Variants in DPYD observed in about 807,000 individuals in gnomAD.
The protein encoded by DPYD is dihydropyrimidine dehydrogenase.
A neutral mutation model predicts 116.2 loss-of-function variants in DPYD; 109 were observed. That is an observed-to-expected ratio of 0.94 (90% CI 0.80 to 1.10). The LOEUF (loss-of-function observed/expected upper bound fraction) is 1.10. Among genes scored for constraint, DPYD ranks in the 50% least tolerant of loss-of-function variants. DPYD has a pLI of 0.00. For missense variants in DPYD, 1,302 were observed against 1,254.5 expected, an observed-to-expected ratio of 1.04 and a Z score of -0.57; for synonymous variants, 440 against 432.0, an observed-to-expected ratio of 1.02 and a Z score of -0.23.
chr1:97,789,565 G>A (rs6685266), intron 3 of DPYD, among the ~76,000 whole-genome samples: 126,183 of 152,144 alleles, frequency 0.83, 52,516 homozygotes, highest in East Asian at 0.98. Context: ...CAGAAAATAA[G>A]TCATATTATT....
At chr1:97,789,785 T>C (rs993416852) in intron 3 of DPYD, among the ~76,000 whole-genome samples, 1 of 152,188 alleles carries the variant, frequency 6.6e-6, no homozygotes, top group Non-Finnish European at 1.5e-5. Flanking sequence ...AGACTCCGTG[T>C]CCACAAATCA....
intron 3 of DPYD, among the ~76,000 whole-genome samples, chr1:97,770,481 A>T (rs903479468): frequency 9.9e-5 from 15 of 152,274 alleles, no homozygotes; most frequent in South Asian, 4.1e-4. Context: ...GGAAAAAAAA[A>T]TTTTGAATAG....
chr1:97,481,345 T>C (rs1557741976), intron 13 of DPYD, among the ~76,000 whole-genome samples: 1 of 152,194 alleles, frequency 6.6e-6, no homozygotes, highest in Non-Finnish European at 1.5e-5. Context: ...TCTTATATTA[T>C]TTAGTGTGTG....
chr1:97,109,539 C>T (rs951773249), intron 20 of DPYD, among the ~76,000 whole-genome samples: 1 of 152,060 alleles, frequency 6.6e-6, no homozygotes, highest in Non-Finnish European at 1.5e-5. Flanking sequence ...GAAAATGGGA[C>T]TGCTATAAAT....
At chr1:97,486,073 C>T (rs1223835958) in intron 13 of DPYD, among the ~76,000 whole-genome samples, 1 of 152,152 alleles carries the variant, frequency 6.6e-6, no homozygotes, top group East Asian at 1.9e-4. Context: ...TACTAATGCA[C>T]AACCCCAAAT....
chr1:97,530,204 C>CTTTTTTTTCT (rs1649498409), intron 12 of DPYD, among the ~76,000 whole-genome samples: 5 of 135,906 alleles, frequency 3.7e-5, no homozygotes, highest in African/African-American at 1.4e-4. Context: ...ATCAGAATTT[C>CTTTTTTTTCT]TTTTTTTTTC....
intron 1 of DPYD, among the ~76,000 whole-genome samples, chr1:97,889,832 A>C (rs1179740136): frequency 6.6e-6 from 1 of 152,062 alleles, no homozygotes; most frequent in Non-Finnish European, 1.5e-5. Context: ...AATCTTCTCT[A>C]GGATATATTG....
At chr1:97,166,295 G>A (rs1324480136) in intron 20 of DPYD, among the ~76,000 whole-genome samples, 1 of 152,132 alleles carries the variant, frequency 6.6e-6, no homozygotes, top group Non-Finnish European at 1.5e-5. Flanking sequence ...GAACATGGAT[G>A]GAGCTGGAGG....
chr1:97,217,741 G>A (rs895680847), intron 19 of DPYD, among the ~76,000 whole-genome samples: 1 of 151,976 alleles, frequency 6.6e-6, no homozygotes, highest in African/African-American at 2.4e-5. Flanking sequence ...AATTACAGTT[G>A]ATATTCATTT....
At chr1:97,586,453 A>AACAC in intron 10 of DPYD, among the ~76,000 whole-genome samples, 1 of 82,114 alleles carries the variant, frequency 1.2e-5, no homozygotes, top group Non-Finnish European at 2.4e-5. Flanking sequence ...TATCTGTGAA[A>AACAC]ATACATACAT....
intron 11 of DPYD, among the ~76,000 whole-genome samples, chr1:97,568,852 G>C (rs546161246): frequency 1.3e-4 from 20 of 151,956 alleles, no homozygotes; most frequent in African/African-American, 4.6e-4. Flanking sequence ...GTTGCTATTG[G>C]GACTACAATT....
intron 20 of DPYD, among the ~76,000 whole-genome samples, chr1:97,147,887 T>C (rs940003991): frequency 2.0e-5 from 3 of 152,172 alleles, no homozygotes; most frequent in African/African-American, 7.2e-5. Flanking sequence ...TTTATACAAC[T>C]TGGTATAGCC....
chr1:97,125,259 C>G (rs991186257), intron 20 of DPYD, among the ~76,000 whole-genome samples: 1 of 152,068 alleles, frequency 6.6e-6, no homozygotes, highest in Admixed American at 6.6e-5. Context: ...ACATGTATAA[C>G]ATGTCTCCTA....
chr1:97,390,618 C>A (rs1019815703), intron 14 of DPYD, among the ~76,000 whole-genome samples: 4 of 151,894 alleles, frequency 2.6e-5, no homozygotes, highest in African/African-American at 9.7e-5. Flanking sequence ...AGTATGCTTA[C>A]AAGTTGTCTT....
At chr1:97,094,890 G>T (rs1284371897) in intron 21 of DPYD, among the ~76,000 whole-genome samples, 1 of 151,836 alleles carries the variant, frequency 6.6e-6, no homozygotes, top group Non-Finnish European at 1.5e-5. Context: ...CATCATATGA[G>T]ACTACACGCT....
At chr1:97,696,369 A>G (rs1661306502) in intron 6 of DPYD, among the ~76,000 whole-genome samples, 1 of 152,152 alleles carries the variant, frequency 6.6e-6, no homozygotes, top group Non-Finnish European at 1.5e-5. Context: ...TTGAATGTAT[A>G]AATCTGTTGC....
intron 13 of DPYD, among the ~76,000 whole-genome samples, chr1:97,486,066 T>C (rs1678615691): frequency 6.6e-6 from 1 of 152,196 alleles, no homozygotes; most frequent in Admixed American, 6.5e-5. Flanking sequence ...ATTTTACTAC[T>C]AATGCACAAC....
chr1:97,879,632 A>G (rs1353160713), intron 2 of DPYD, among the ~76,000 whole-genome samples: 1 of 151,928 alleles, frequency 6.6e-6, no homozygotes, highest in African/African-American at 2.4e-5. Context: ...AGAATTTCCA[A>G]TTAGTACTAG....
chr1:97,511,503 G>A (rs1201924220), intron 13 of DPYD, among the ~76,000 whole-genome samples: 1 of 151,454 alleles, frequency 6.6e-6, no homozygotes, highest in Non-Finnish European at 1.5e-5. Context: ...ATTTACTTGT[G>A]GAAAACAACA....
Sources: gnomAD v4.1 joint callset for allele counts (sites outside exome capture counted in the v4.1 genomes callset) on GRCh38, gnomAD v4.1.1 for gene constraint, MANE v1.5 for transcripts, NCBI Gene and HGNC (gene_info 2026-07-23, HGNC 2026-07-21) for gene names.